KDM6A: variants seen among roughly 807,000 people sequenced by gnomAD.
The protein encoded by KDM6A is lysine-specific demethylase 6A.
Under a neutral mutation model 117.6 loss-of-function variants are expected in KDM6A, and 11 were observed. The ratio of observed to expected loss-of-function variants is 0.09; its 90% CI spans 0.06 to 0.15. The LOEUF (loss-of-function observed/expected upper bound fraction) is 0.15. KDM6A is among the 10% of genes least tolerant of loss of function. The probability of loss-of-function intolerance (pLI) is 1.00; values close to 1 mark genes in which losing one functional copy is unlikely to be tolerated. For missense variants in KDM6A, 799 were observed against 1,077.3 expected, an observed-to-expected ratio of 0.74 and a Z score of 3.62; for synonymous variants, 384 against 396.1, an observed-to-expected ratio of 0.97 and a Z score of 0.36.
chrX:44,938,557 A>AGGT (rs1290846364), intron 2 of KDM6A, among the ~76,000 whole-genome samples: 2 of 112,496 alleles, frequency 1.8e-5, no homozygotes, highest in East Asian at 2.8e-4. Flanking sequence ...GTGCAAGGTG[A>AGGT]GGTAGCAAGT....
intron 4 of KDM6A, among the ~76,000 whole-genome samples, chrX:44,976,556 T>A (rs1043524444): frequency 9.0e-6 from 1 of 111,703 alleles, no homozygotes; most frequent in East Asian, 2.8e-4. Flanking sequence ...TAATAAAATG[T>A]GAATGCCATG....
At chrX:44,952,585 CTT>C (rs1423765050) in intron 2 of KDM6A, among the ~76,000 whole-genome samples, 3 of 111,677 alleles carry the variant, frequency 2.7e-5, no homozygotes, top group African/African-American at 6.5e-5. Context: ...TCTGCTGACT[CTT>C]TTGACAAAAG....
intron 4 of KDM6A, among the ~76,000 whole-genome samples, chrX:44,997,709 T>C (rs1408566048): frequency 8.9e-6 from 1 of 111,862 alleles, no homozygotes; most frequent in African/African-American, 3.3e-5. Context: ...AGCAGTCCCG[T>C]ATCAGAAGCA....
At chrX:44,995,617 A>G (rs1473590766) in intron 4 of KDM6A, among the ~76,000 whole-genome samples, 1 of 110,031 alleles carries the variant, frequency 9.1e-6, no homozygotes, top group Non-Finnish European at 1.9e-5. Flanking sequence ...GACTAAGGCT[A>G]CCACACCAGG....
chrX:45,104,495 T>C (rs1310645303), intron 27 of KDM6A, among the ~76,000 whole-genome samples: 1 of 112,471 alleles, frequency 8.9e-6, no homozygotes, highest in African/African-American at 3.2e-5. Context: ...GCAGAACAGG[T>C]TATCATTTAA....
At chrX:44,875,144 A>G (rs2031366295) in intron 2 of KDM6A, among the ~76,000 whole-genome samples, 1 of 112,335 alleles carries the variant, frequency 8.9e-6, no homozygotes, top group Non-Finnish European at 1.9e-5. Context: ...TGTATCCGTT[A>G]GACATTTTCT....
intron 4 of KDM6A, among the ~76,000 whole-genome samples, chrX:44,975,033 G>T (rs888411041): frequency 8.1e-5 from 9 of 111,479 alleles, no homozygotes; most frequent in African/African-American, 2.6e-4. Flanking sequence ...TTCTAAAGTT[G>T]GTACCTGGGA....
chrX:45,088,826 T>TTAA (rs750870306), intron 25 of KDM6A, among the ~76,000 whole-genome samples: 70 of 113,056 alleles, frequency 6.2e-4, no homozygotes, highest in African/African-American at 2.2e-3. Flanking sequence ...AAATAAAAGC[T>TTAA]TAATAATATC....
intron 8 of KDM6A, among the ~76,000 whole-genome samples, chrX:45,040,108 C>T (rs2043002347): frequency 1.8e-5 from 1 of 56,951 alleles, no homozygotes; most frequent in East Asian, 6.2e-4. Context: ...CGCCCCTCAC[C>T]TCCCGGATGG....
chrX:45,106,163 A>G (rs1249902030), intron 27 of KDM6A, among the ~76,000 whole-genome samples: 7 of 111,433 alleles, frequency 6.3e-5, no homozygotes, highest in Admixed American at 2.9e-4. Flanking sequence ...TGAGAGTGCA[A>G]TCTTTGAATA....
intron 17 of KDM6A, 34 bp downstream of exon 17, chrX:45,063,851 C>T: frequency 2.6e-6 from 3 of 1,139,988 alleles, no homozygotes; most frequent in Non-Finnish European, 2.4e-6. Context: ...GTTGGCTTTT[C>T]ACATAAATGT....
intron 2 of KDM6A, among the ~76,000 whole-genome samples, chrX:44,952,736 T>A (rs1207858521): frequency 2.7e-5 from 3 of 111,514 alleles, no homozygotes; most frequent in Non-Finnish European, 5.7e-5. Context: ...CCATCCTTTT[T>A]GTGTGTGTTA....
rs752973994 is a variant in KDM6A at position 45,095,601 on chromosome X, T to A, written c.4034+4737T>A. On this transcript the variant is annotated intron_variant, in intron 27 of 29. Transcript: ENST00000611820. ...TGCTCTGGTCTTCAAGTCTAGTAGTTCCTGCCAAAAAATGAAGTGCTGTTG... is the reference window on the plus strand; with the variant it reads ...TGCTCTGGTCTTCAAGTCTAGTAGTACCTGCCAAAAAATGAAGTGCTGTTG... Among the ~76,000 whole-genome samples, 8 of 111,831 alleles carry A rather than the reference T, an allele frequency of 7.2e-5. 1 individual carries two copies. Among genetic ancestry groups the A allele is most frequent in the Admixed American group, 2.8e-4 (3 of 10,536 alleles).
At chrX:44,969,118 CATT>C (rs1180513594) in intron 3 of KDM6A, among the ~76,000 whole-genome samples, 1 of 111,197 alleles carries the variant, frequency 9.0e-6, no homozygotes, top group African/African-American at 3.3e-5. Context: ...TCATTCCTGA[CATT>C]AATATGAAAA....
intron 27 of KDM6A, among the ~76,000 whole-genome samples, chrX:45,103,504 A>G (rs938850188): frequency 2.7e-5 from 3 of 111,724 alleles, no homozygotes; most frequent in African/African-American, 9.8e-5. Flanking sequence ...TTTTTTGCCT[A>G]ATGTCCTCAT....
chrX:45,050,574 A>G (rs1452206351), intron 8 of KDM6A, among the ~76,000 whole-genome samples: 2 of 111,596 alleles, frequency 1.8e-5, no homozygotes, highest in African/African-American at 6.5e-5. Flanking sequence ...TTGTATTTCT[A>G]CCTACTTTTT....
chrX:45,088,228 A>G (rs1431864532), intron 25 of KDM6A, among the ~76,000 whole-genome samples: 2 of 112,516 alleles, frequency 1.8e-5, no homozygotes, highest in African/African-American at 3.2e-5. Context: ...ACACACAATA[A>G]GCCAATCCTT....
At chrX:44,982,399 C>T (rs763745026) in intron 4 of KDM6A, among the ~76,000 whole-genome samples, 11 of 109,567 alleles carry the variant, frequency 1.0e-4, no homozygotes, top group African/African-American at 3.0e-4. Context: ...TTTGGGACAC[C>T]GAAAAAAATT....
intron 2 of KDM6A, among the ~76,000 whole-genome samples, chrX:44,924,249 C>T (rs747549715): frequency 3.6e-5 from 4 of 111,800 alleles, no homozygotes; most frequent in African/African-American, 1.3e-4. Flanking sequence ...GTTCTCATGC[C>T]TGGTAACTTT....
Sources: allele counts gnomAD v4.1 joint callset (sites outside exome capture counted in the v4.1 genomes callset), GRCh38; gene constraint gnomAD v4.1.1; transcripts MANE v1.5; gene names NCBI Gene and HGNC (gene_info 2026-07-23, HGNC 2026-07-21).